SCRG1: variants seen among roughly 807,000 people sequenced by gnomAD.
SCRG1 encodes stimulator of chondrogenesis 1.
A neutral mutation model predicts 7.7 loss-of-function variants in SCRG1; 3 were observed. That is an observed-to-expected ratio of 0.39 (90% CI 0.18 to 1.01). SCRG1 has a LOEUF of 1.01. Ranked by LOEUF, SCRG1 falls within the 50% of genes least tolerant of loss-of-function variation. The probability of loss-of-function intolerance (pLI) is 0.36; values close to 1 mark genes in which losing one functional copy is unlikely to be tolerated. For synonymous variants in SCRG1, 46 were observed against 41.2 expected (o/e 1.12, Z -0.44); for missense variants, 110 against 117.2 (o/e 0.94, Z 0.28).
the SCRG1 span, among the ~76,000 whole-genome samples, chr4:173,422,852 A>T: frequency 6.6e-6 from 1 of 152,210 alleles, no homozygotes; most frequent in African/African-American, 2.4e-5. Context: ...ATAACGCTGG[A>T]CAATTAAAAA....
At chr4:173,486,381 T>G in the SCRG1 span, among the ~76,000 whole-genome samples, 1 of 152,204 alleles carries the variant, frequency 6.6e-6, no homozygotes, top group Non-Finnish European at 1.5e-5. Context: ...CCTTCACCAC[T>G]GACATAATGC....
the SCRG1 span, among the ~76,000 whole-genome samples, chr4:173,453,368 G>A: frequency 6.6e-6 from 1 of 152,236 alleles, no homozygotes; most frequent in East Asian, 1.9e-4. Flanking sequence ...CAGATATAAG[G>A]CAGTAGAATC....
At chr4:173,436,041 T>C in the SCRG1 span, among the ~76,000 whole-genome samples, 1 of 152,116 alleles carries the variant, frequency 6.6e-6, no homozygotes. Context: ...TTTAACTATA[T>C]TAAAATTCTT....
the SCRG1 span, among the ~76,000 whole-genome samples, chr4:173,465,489 G>A: frequency 6.6e-6 from 1 of 152,068 alleles, no homozygotes; most frequent in Non-Finnish European, 1.5e-5. Context: ...TGATATACAT[G>A]CCCTGAATAG....
chr4:173,476,379 T>TATATATATATATATATATATATATATAA, the SCRG1 span, among the ~76,000 whole-genome samples: 6 of 137,250 alleles, frequency 4.4e-5, no homozygotes, highest in Non-Finnish European at 9.7e-5. Flanking sequence ...TATATATATA[T>TATATATATATATATATATATATATATAA]AATGAATTGA....
chr4:173,484,128 T>C, the SCRG1 span, among the ~76,000 whole-genome samples: 5,496 of 80,124 alleles, frequency 0.069, 309 homozygotes, highest in East Asian at 0.26. Flanking sequence ...ATACAATATA[T>C]AATATATAAT....
the SCRG1 span, among the ~76,000 whole-genome samples, chr4:173,450,255 G>A: frequency 2.0e-5 from 3 of 152,182 alleles, no homozygotes; most frequent in South Asian, 4.1e-4. Flanking sequence ...GAGGGAAACC[G>A]CCCCCATGAT....
chr4:173,439,292 C>T, the SCRG1 span, among the ~76,000 whole-genome samples: 57 of 152,086 alleles, frequency 3.7e-4, no homozygotes, highest in Non-Finnish European at 6.2e-4. Flanking sequence ...TTTGGGATGC[C>T]GCTGTGGAAG....
the SCRG1 span, among the ~76,000 whole-genome samples, chr4:173,486,510 AT>A: frequency 2.5e-4 from 38 of 151,422 alleles, 1 homozygote; most frequent in South Asian, 7.3e-3. Context: ...TTCTTGACAG[AT>A]TTTTTTTTCC....
At chr4:173,483,450 C>T in the SCRG1 span, among the ~76,000 whole-genome samples, 8 of 19,272 alleles carry the variant, frequency 4.2e-4, 1 homozygote, top group African/African-American at 8.3e-4. Context: ...TATATTATAT[C>T]ATGATATATA....
chr4:173,439,770 C>A, the SCRG1 span, among the ~76,000 whole-genome samples: 1 of 152,128 alleles, frequency 6.6e-6, no homozygotes, highest in Non-Finnish European at 1.5e-5. Flanking sequence ...CTGGCAAAAG[C>A]ACGGGCATGT....
chr4:173,438,975 T>C, the SCRG1 span, among the ~76,000 whole-genome samples: 1 of 151,896 alleles, frequency 6.6e-6, no homozygotes, highest in Non-Finnish European at 1.5e-5. Context: ...GAAGTGGCCA[T>C]GAGACTGAGT....
At chr4:173,480,868 T>C in the SCRG1 span, among the ~76,000 whole-genome samples, 1 of 152,054 alleles carries the variant, frequency 6.6e-6, no homozygotes, top group Non-Finnish European at 1.5e-5. Flanking sequence ...ATAATAACAA[T>C]TATTAATTAA....
At chr4:173,507,195 TTCTGTTTG>T in the SCRG1 span, among the ~76,000 whole-genome samples, 33 of 147,326 alleles carry the variant, frequency 2.2e-4, no homozygotes, top group South Asian at 6.7e-3. This position sits in a 1 kb window ranked among gnomAD's most constrained non-coding sequence, Gnocchi z 4.4. Context: ...GGCCCTGTTT[TTCTGTTTG>T]TTTGTTTGTT....
chr4:173,475,292 T>C, the SCRG1 span, among the ~76,000 whole-genome samples: 11 of 152,330 alleles, frequency 7.2e-5, no homozygotes, highest in Middle Eastern at 6.8e-3. Context: ...TTGTGTGGGA[T>C]TGGGGAGATG....
At chr4:173,398,857 A>G (rs1283935385) in intron 1 of SCRG1, among the ~76,000 whole-genome samples, 3 of 152,186 alleles carry the variant, frequency 2.0e-5, no homozygotes, top group Non-Finnish European at 2.9e-5. Flanking sequence ...CTAGTCAAGA[A>G]ATATACATTT....
chr4:173,479,465 G>T, the SCRG1 span, among the ~76,000 whole-genome samples: 1 of 132,222 alleles, frequency 7.6e-6, no homozygotes, highest in Admixed American at 8.6e-5. Flanking sequence ...TTTTGAGACA[G>T]AGTCTTGCTC....
At chr4:173,436,417 C>T in the SCRG1 span, among the ~76,000 whole-genome samples, 1 of 152,226 alleles carries the variant, frequency 6.6e-6, no homozygotes, top group Non-Finnish European at 1.5e-5. Flanking sequence ...AGAGCAGCCT[C>T]TGCTTCTCAA....
At chr4:173,424,213 A>T in the SCRG1 span, among the ~76,000 whole-genome samples, 2 of 152,212 alleles carry the variant, frequency 1.3e-5, no homozygotes, top group African/African-American at 2.4e-5. Flanking sequence ...CTTCAGATAC[A>T]TAAGGACAAC....
Sources: gnomAD v4.1 joint callset for allele counts (sites outside exome capture counted in the v4.1 genomes callset) on GRCh38, gnomAD v4.1.1 for gene constraint, Gnocchi (gnomAD v3.1) non-coding constraint, MANE v1.5 for transcripts, NCBI Gene and HGNC (gene_info 2026-07-23, HGNC 2026-07-21) for gene names.